Variants in EML4 observed in about 807,000 individuals in gnomAD.
The protein encoded by EML4 is echinoderm microtubule-associated protein-like 4.
In EML4, 72 loss-of-function variants were observed where a neutral mutation model predicts 129.0. That is an observed-to-expected ratio of 0.56 (90% CI 0.46 to 0.68). The LOEUF (loss-of-function observed/expected upper bound fraction) is 0.68. EML4 is among the 30% of genes least tolerant of loss of function. The pLI, the probability that EML4 is intolerant of heterozygous loss-of-function variation, is 0.00. For missense variants in EML4, 1,363 were observed against 1,190.6 expected, an observed-to-expected ratio of 1.14 and a Z score of -2.13; for synonymous variants, 532 against 405.0, an observed-to-expected ratio of 1.31 and a Z score of -3.77.
chr2:42,276,857 G>C (rs892316227), intron 6 of EML4, among the ~76,000 whole-genome samples: 1 of 152,134 alleles, frequency 6.6e-6, no homozygotes, highest in African/African-American at 2.4e-5. Flanking sequence ...TTATATACTT[G>C]ATCTCCAACA....
chr2:42,189,142 C>T (rs1406215195), intron 1 of EML4, among the ~76,000 whole-genome samples: 2 of 152,132 alleles, frequency 1.3e-5, no homozygotes, highest in Non-Finnish European at 2.9e-5. Flanking sequence ...GCTGGGATTA[C>T]AGGCATGAGC....
intron 7 of EML4, among the ~76,000 whole-genome samples, chr2:42,282,212 T>C (rs950219009): frequency 6.6e-6 from 1 of 151,960 alleles, no homozygotes; most frequent in African/African-American, 2.4e-5. Context: ...GGATAAGCTC[T>C]AGAGACATAG....
chr2:42,329,548 A>G (rs936953585), intron 22 of EML4, among the ~76,000 whole-genome samples, 186 bp from the exon 23 acceptor site: 1 of 152,104 alleles, frequency 6.6e-6, no homozygotes, highest in African/African-American at 2.4e-5. Context: ...CGTTTTTCCT[A>G]TGTAAAGTGA....
chr2:42,217,376 C>A (rs761734812), intron 1 of EML4, among the ~76,000 whole-genome samples: 14 of 152,046 alleles, frequency 9.2e-5, no homozygotes, highest in Non-Finnish European at 2.1e-4. Context: ...TCGTTCTTCT[C>A]AGAATTAACC....
At position 42,181,630 on chromosome 2, in the gene EML4, T is replaced by G. The variant is rs1246775795; in HGVS notation, c.25+11994T>G. Among the ~76,000 whole-genome samples the G allele has an allele frequency of 3.3e-5, 5 of 152,164 alleles. 1 individual carries two copies. Among genetic ancestry groups the G allele is most frequent in the African/African-American group, 1.2e-4 (5 of 41,430 alleles). ...ATTTTTTTGATGGGTTATAGTCCAT[T>G]ACTATTTATTTTGATGCTTAAATTG... On this transcript the variant is annotated intron_variant, in intron 1 of 22. Transcript: ENST00000318522.
chr2:42,196,597 GAGA>G, intron 1 of EML4, among the ~76,000 whole-genome samples: 1 of 152,300 alleles, frequency 6.6e-6, no homozygotes, highest in East Asian at 1.9e-4. Flanking sequence ...GGCAGCTGGC[GAGA>G]AGATTAGAGG....
intron 16 of EML4, among the ~76,000 whole-genome samples, chr2:42,303,741 C>T (rs1418362596): frequency 3.9e-5 from 6 of 152,082 alleles, no homozygotes; most frequent in African/African-American, 1.2e-4. Flanking sequence ...CTGGCTAACA[C>T]GGTGAAGCCC....
At chr2:42,208,919 TC>T (rs1672723864) in intron 1 of EML4, among the ~76,000 whole-genome samples, 1 of 152,066 alleles carries the variant, frequency 6.6e-6, no homozygotes, top group Non-Finnish European at 1.5e-5. Context: ...ACTTCAGAAG[TC>T]CCTATAGGTA....
At chr2:42,291,694 C>T (rs1667651622) in intron 11 of EML4, among the ~76,000 whole-genome samples, 1 of 152,050 alleles carries the variant, frequency 6.6e-6, no homozygotes, top group Non-Finnish European at 1.5e-5. Context: ...GTGTGAGCCA[C>T]CACGCCCCGC....
At chr2:42,258,379 T>C (rs1665484392) in intron 3 of EML4, among the ~76,000 whole-genome samples, 1 of 143,612 alleles carries the variant, frequency 7.0e-6, no homozygotes, top group Non-Finnish European at 1.5e-5. Context: ...GTATTTCTTT[T>C]TTTATTTATT....
intron 8 of EML4, 77 bp from the exon 9 acceptor site, chr2:42,284,557 T>G: frequency 3.1e-6 from 3 of 965,946 alleles, no homozygotes; most frequent in Non-Finnish European, 4.6e-6. Flanking sequence ...ACTGCTTATT[T>G]GAAAAATGTC....
intron 1 of EML4, among the ~76,000 whole-genome samples, chr2:42,170,769 C>T (rs1166733835): frequency 6.6e-6 from 1 of 152,186 alleles, no homozygotes; most frequent in Admixed American, 6.5e-5. Flanking sequence ...ATTCAGACGC[C>T]TTTCTTTTAC....
intron 1 of EML4, among the ~76,000 whole-genome samples, chr2:42,197,455 A>G (rs4048): frequency 2.0e-5 from 3 of 152,068 alleles, no homozygotes; most frequent in Non-Finnish European, 4.4e-5. Flanking sequence ...CAAGTCATCT[A>G]TTGGCAGGAG....
intron 2 of EML4, among the ~76,000 whole-genome samples, chr2:42,248,050 G>GT (rs1217211039): frequency 2.0e-5 from 3 of 152,014 alleles, no homozygotes; most frequent in African/African-American, 7.2e-5. Flanking sequence ...CAGGCTCACT[G>GT]TAACCTCAAA....
At chr2:42,205,957 A>T (rs1442515000) in intron 1 of EML4, among the ~76,000 whole-genome samples, 1 of 151,340 alleles carries the variant, frequency 6.6e-6, no homozygotes, top group Non-Finnish European at 1.5e-5. Context: ...TCAAGACCCA[A>T]TTTTTTTTCT....
Position 42,282,904 on chromosome 2 carries a change from A to G in EML4, c.873A>G (p.Val291=). Residue 291 remains valine (V), a synonymous_variant, in exon 8 of 23, where the codon GTA becomes GTG. Transcript: ENST00000318522. ...TGKIVYFIAS[V]VVLFNYEERT... is the part of the protein sequence containing the mutation. ...AAATAGTTTATTTCATTGCATCAGT[A>G]GTAGTACTATTTAATTATGAGGAGA... is the stretch of plus-strand genomic sequence containing the variant. 1.9e-6 allele frequency: 3 copies of G among 1,611,852 alleles called. No individual in the cohort carries two copies. The highest frequency in any genetic ancestry group is 1.3e-5 in the African/African-American group (1 of 75,010).
rs1384344385 is a variant in EML4, at chr2:42,169,507, C to A, written c.-105C>A. ...GGCGGGAGCCGGTAGCCGAGCCGGGCGACCTAGAGAACGAGCGGGTCAGGC... is the reference window on the plus strand; with the variant it reads ...GGCGGGAGCCGGTAGCCGAGCCGGGAGACCTAGAGAACGAGCGGGTCAGGC... On this transcript the variant is annotated 5_prime_UTR_variant, in exon 1 of 23. Coordinates refer to ENST00000318522, the MANE Select transcript of EML4 (RefSeq NM_019063.5). The A allele has an allele frequency of 3.7e-6, 5 of 1,349,608 alleles. No homozygotes were observed. The African/African-American group carries it at 6.0e-5, about 16-fold the overall frequency. The allele number at this position is 1,349,608 out of a possible 1,614,324, so 83.6% of individuals were successfully genotyped here.
chr2:42,329,026 C>G lies in EML4; in HGVS notation c.2472+10C>G, dbSNP rs757375345. On this transcript the variant is annotated intron_variant, in intron 22 of 22. Coordinates refer to ENST00000318522, the MANE Select transcript of EML4 (RefSeq NM_019063.5). ...CTGCTCCAAAGCAAAGGTAAACTCA[C>G]TTTAATAGAAACTAATGTTATAAGG... The G allele has an allele frequency of 5.8e-5, 93 of 1,607,374 alleles. No individual in the cohort carries two copies. The highest frequency in any genetic ancestry group is 7.9e-5 in the Non-Finnish European group (93 of 1,177,594).
intron 1 of EML4, among the ~76,000 whole-genome samples, chr2:42,187,918 T>C (rs1330986455): frequency 1.3e-5 from 2 of 152,190 alleles, no homozygotes; most frequent in Non-Finnish European, 2.9e-5. Flanking sequence ...TTAAGGAATT[T>C]TTGCCTAACC....
Sources: allele counts gnomAD v4.1 joint callset (sites outside exome capture counted in the v4.1 genomes callset), GRCh38; gene constraint gnomAD v4.1.1; transcripts MANE v1.5; gene names NCBI Gene and HGNC (gene_info 2026-07-23, HGNC 2026-07-21).